NLGN4Y: variants seen among roughly 807,000 people sequenced by gnomAD.
NLGN4Y encodes neuroligin-4, Y-linked.
A neutral mutation model predicts 8.4 loss-of-function variants in NLGN4Y; 4 were observed. The observed-to-expected ratio is 0.48, with a 90% CI of 0.23 to 1.09. The LOEUF is 1.09. NLGN4Y is among the 50% of genes least tolerant of loss of function. The pLI is 0.19. For missense variants in NLGN4Y, 90 were observed against 192.3 expected (o/e 0.47, Z 3.15); for synonymous variants, 35 against 75.6 (o/e 0.46, Z 2.78).
intron 6 of NLGN4Y, among the ~76,000 whole-genome samples, chrY:14,838,611 A>G (rs2043205379): frequency 3.0e-5 from 1 of 32,999 alleles, no homozygotes; most frequent in Non-Finnish European, 7.4e-5. Context: ...GATACACAGT[A>G]TATCACTCCA....
At chrY:14,647,297 G>A (rs2080614265) in intron 2 of NLGN4Y, among the ~76,000 whole-genome samples, 1 of 34,006 alleles carries the variant, frequency 2.9e-5, no homozygotes, top group Non-Finnish European at 7.3e-5. Flanking sequence ...TAAAGAAGGG[G>A]AGAGTAACAT....
At chrY:14,585,173 C>T (rs2080335753) in intron 1 of NLGN4Y, among the ~76,000 whole-genome samples, 2 of 33,333 alleles carry the variant, frequency 6.0e-5, no homozygotes, top group Admixed American at 5.4e-4. Flanking sequence ...CATGTAATTC[C>T]TTTTTCCCAT....
chrY:14,695,476 T>A, intron 2 of NLGN4Y, among the ~76,000 whole-genome samples: 1 of 32,999 alleles, frequency 3.0e-5, no homozygotes, highest in East Asian at 8.3e-4. Flanking sequence ...GCAGGACAGC[T>A]GACAGGTAGT....
intron 4 of NLGN4Y, among the ~76,000 whole-genome samples, chrY:14,749,694 A>C (rs778612964): frequency 5.9e-5 from 2 of 33,786 alleles, no homozygotes; most frequent in Non-Finnish European, 1.5e-4. Context: ...TGCACCTCTT[A>C]TGTAATCTTT....
chrY:14,603,154 GGT>G (rs757388537), intron 1 of NLGN4Y, among the ~76,000 whole-genome samples: 7 of 30,704 alleles, frequency 2.3e-4, no homozygotes, highest in East Asian at 8.3e-4. Flanking sequence ...GTGTGTGCGT[GGT>G]GTGTGTGTGT....
intron 1 of NLGN4Y, among the ~76,000 whole-genome samples, chrY:14,545,189 A>G (rs1603499202): frequency 3.0e-5 from 1 of 33,079 alleles, no homozygotes; most frequent in Non-Finnish European, 7.5e-5. Flanking sequence ...ATTGTTGGAC[A>G]TTTGGGTTGG....
chrY:14,639,778 C>A, intron 2 of NLGN4Y: 1 of 143,780 alleles, frequency 7.0e-6, no homozygotes, highest in South Asian at 3.8e-5. Flanking sequence ...TGGTATCTTG[C>A]GCCTCTAAAA....
chrY:14,675,940 AC>A (rs2080747219), intron 2 of NLGN4Y, among the ~76,000 whole-genome samples: 2 of 33,274 alleles, frequency 6.0e-5, no homozygotes, highest in African/African-American at 2.4e-4. Context: ...ACACATTCAC[AC>A]CATAGCAAAA....
chrY:14,576,352 A>G (rs920036721), intron 1 of NLGN4Y, among the ~76,000 whole-genome samples: 2 of 33,550 alleles, frequency 6.0e-5, no homozygotes, highest in Non-Finnish European at 1.5e-4. Flanking sequence ...TGTGCTAGCA[A>G]TGAGTGAGGA....
At chrY:14,719,686 C>G in intron 3 of NLGN4Y, among the ~76,000 whole-genome samples, 168 bp downstream of exon 3, 1 of 31,972 alleles carries the variant, frequency 3.1e-5, no homozygotes, top group Non-Finnish European at 7.6e-5. Flanking sequence ...TTTTTAACCC[C>G]AGTTACCATG....
intron 2 of NLGN4Y, among the ~76,000 whole-genome samples, chrY:14,649,064 T>G: frequency 3.1e-5 from 1 of 32,252 alleles, no homozygotes; most frequent in Non-Finnish European, 7.5e-5. Flanking sequence ...CAATGAAAAC[T>G]GTATATTTAA....
chrY:14,758,846 C>A (rs2081071362), intron 4 of NLGN4Y, among the ~76,000 whole-genome samples: 1 of 33,651 alleles, frequency 3.0e-5, no homozygotes, highest in Non-Finnish European at 7.3e-5. Context: ...GTTGCCCAGG[C>A]TGTGATCATC....
chrY:14,759,597 C>T (rs758377617), intron 4 of NLGN4Y, among the ~76,000 whole-genome samples: 2 of 34,557 alleles, frequency 5.8e-5, no homozygotes, highest in African/African-American at 2.2e-4. Context: ...CGTGAGCCGC[C>T]GTGCACAGCC....
chrY:14,549,081 C>A (rs2150469163), intron 1 of NLGN4Y, among the ~76,000 whole-genome samples: 1 of 32,711 alleles, frequency 3.1e-5, no homozygotes, highest in East Asian at 8.1e-4. Context: ...CTGCCCAAAA[C>A]TCAATTCAGT....
chrY:14,785,544 C>T, intron 4 of NLGN4Y, among the ~76,000 whole-genome samples: 2 of 33,625 alleles, frequency 5.9e-5, no homozygotes, highest in Admixed American at 5.4e-4. Flanking sequence ...GCGAGCGAAT[C>T]ACGAGGTCAG....
At chrY:14,795,610 G>T (rs754002506) in intron 4 of NLGN4Y, among the ~76,000 whole-genome samples, 4 of 33,165 alleles carry the variant, frequency 1.2e-4, no homozygotes, top group Non-Finnish European at 2.2e-4. Context: ...TTAATTAATA[G>T]GTGGTAGACT....
chrY:14,643,914 G>A (rs1304912688), intron 2 of NLGN4Y, among the ~76,000 whole-genome samples: 2 of 33,442 alleles, frequency 6.0e-5, no homozygotes, highest in African/African-American at 1.2e-4. Context: ...GTCCTACTCA[G>A]CCATCCTCCT....
At chrY:14,641,893 A>C in intron 2 of NLGN4Y, among the ~76,000 whole-genome samples, 2 of 33,410 alleles carry the variant, frequency 6.0e-5, no homozygotes, top group Non-Finnish European at 1.5e-4. Flanking sequence ...CTCCCCTTTG[A>C]GTGTAGGGAG....
chrY:14,679,445 C>T (rs2080761197), intron 2 of NLGN4Y, among the ~76,000 whole-genome samples: 1 of 32,943 alleles, frequency 3.0e-5, no homozygotes, highest in Non-Finnish European at 7.5e-5. Flanking sequence ...TAATGAGATG[C>T]TGTCTCTATA....
Sources: allele counts gnomAD v4.1 joint callset (sites outside exome capture counted in the v4.1 genomes callset), GRCh38; gene constraint gnomAD v4.1.1; transcripts MANE v1.5; gene names NCBI Gene and HGNC (gene_info 2026-07-23, HGNC 2026-07-21).